CUX1: variants seen among roughly 807,000 people sequenced by gnomAD.
The protein encoded by CUX1 is protein CASP.
Under a neutral mutation model 158.8 loss-of-function variants are expected in CUX1, and 31 were observed. The ratio of observed to expected loss-of-function variants is 0.20; its 90% CI spans 0.15 to 0.26. CUX1 has a LOEUF of 0.26. Ranked by LOEUF, CUX1 falls within the 10% of genes least tolerant of loss-of-function variation. The pLI, the probability that CUX1 is intolerant of heterozygous loss-of-function variation, is 1.00. For synonymous variants in CUX1, 879 were observed against 862.1 expected, an observed-to-expected ratio of 1.02 and a Z score of -0.34; for missense variants, 1,589 against 2,014.6, an observed-to-expected ratio of 0.79 and a Z score of 4.04.
chr7:102,258,912 G>T (rs546487579), downstream of CUX1, among the ~76,000 whole-genome samples: 6 of 152,270 alleles, frequency 3.9e-5, no homozygotes, highest in South Asian at 6.2e-4. Context: ...GGCTGGAGGT[G>T]GGGGGAGAGC....
chr7:101,911,635 G>A (rs1386331539), intron 1 of CUX1, among the ~76,000 whole-genome samples: 9 of 149,430 alleles, frequency 6.0e-5, no homozygotes, highest in African/African-American at 9.9e-5. Context: ...ACCTTGGCCC[G>A]CCAGTGGATG....
intron 2 of CUX1, among the ~76,000 whole-genome samples, chr7:102,010,396 C>CAAAA (rs35965710): frequency 1.0e-4 from 9 of 90,232 alleles, no homozygotes; most frequent in Admixed American, 1.2e-4. Flanking sequence ...GACTCTGTCT[C>CAAAA]AAAAAAAAAA....
intron 1 of CUX1, among the ~76,000 whole-genome samples, chr7:101,825,587 G>A (rs190113678): frequency 3.3e-5 from 5 of 152,284 alleles, no homozygotes; most frequent in East Asian, 1.9e-4. Flanking sequence ...TTGTCATCCC[G>A]CAGTTTGTCA....
At chr7:102,210,949 T>C (rs1796448157) in intron 20 of CUX1, among the ~76,000 whole-genome samples, 2 of 152,214 alleles carry the variant, frequency 1.3e-5, no homozygotes, top group South Asian at 4.1e-4. Flanking sequence ...TCTTAGCTGG[T>C]TCCCACCAGA....
intron 2 of CUX1, among the ~76,000 whole-genome samples, chr7:101,958,711 C>T (rs867918331): frequency 2.2e-4 from 34 of 151,762 alleles, no homozygotes; most frequent in African/African-American, 7.7e-4. Flanking sequence ...AACTCCTGGG[C>T]TTAAGCAGTC....
In CUX1 at chr7:102,253,124, G is replaced by T; in HGVS notation, c.*4082G>T. The T allele has an allele frequency of 1.0e-6, 1 of 985,444 alleles. No individual in the cohort carries two copies. The highest frequency in any genetic ancestry group is 1.2e-6 in the Non-Finnish European group (1 of 829,974). 61.0% of individuals were successfully genotyped at this position (985,444 alleles called of 1,614,324 possible). A position where few individuals can be genotyped will look rare whatever the true frequency, so the allele number is the denominator to read the frequency against. On this transcript the variant is annotated 3_prime_UTR_variant, in exon 24 of 24. Coordinates refer to ENST00000292535, the MANE Select transcript of CUX1 (RefSeq NM_181552.4). The stretch of plus-strand genomic sequence containing the variant: ...CTCCCTGCTCAGTTTCCTTCCTGTC[G>T]CCATCTTTGTTTTCTTCCCATTGAA...
chr7:101,864,449 A>G (rs922586545), intron 1 of CUX1, among the ~76,000 whole-genome samples: 3 of 152,116 alleles, frequency 2.0e-5, no homozygotes, highest in Non-Finnish European at 4.4e-5. Context: ...GGGGTGAGCC[A>G]CCATGCCTAG....
chr7:102,030,691 G>GTTTTTTTTTTTTTT lies in CUX1; in HGVS notation c.189+2558_189+2559insTTTTTTTTTTTTTT, dbSNP rs71119801. 2.8e-4 allele frequency among the ~76,000 whole-genome samples: 33 copies of GTTTTTTTTTTTTTT among 119,394 alleles called. 4 individuals carry two copies. Among genetic ancestry groups the GTTTTTTTTTTTTTT allele is most frequent in the South Asian group, 8.5e-4 (3 of 3,526 alleles). 78.3% of individuals were successfully genotyped at this position (119,394 alleles called of 152,430 possible). On this transcript the variant is annotated intron_variant, in intron 3 of 23. Transcript: ENST00000292535. ...TATCTAATTTTCTATTTTAAAAAGT[G>GTTTTTTTTTTTTTT]TTTTTTTTTTTTGAGACAGGGTCTC...
chr7:102,030,691 G>GTTTTTTTTTTTTTGTTTTTTGT, intron 3 of CUX1, among the ~76,000 whole-genome samples: 1 of 119,386 alleles, frequency 8.4e-6, no homozygotes, highest in African/African-American at 3.1e-5. Context: ...TTTAAAAAGT[G>GTTTTTTTTTTTTTGTTTTTTGT]TTTTTTTTTT....
intron 1 of CUX1, among the ~76,000 whole-genome samples, chr7:101,882,940 A>G (rs770516272): frequency 5.9e-5 from 9 of 151,980 alleles, no homozygotes; most frequent in Non-Finnish European, 1.2e-4. Context: ...TCGGGCCTCT[A>G]AGGCCCTGCT....
At chr7:102,045,069 CA>C (rs1822576774) in intron 3 of CUX1, among the ~76,000 whole-genome samples, 1 of 152,148 alleles carries the variant, frequency 6.6e-6, no homozygotes, top group Non-Finnish European at 1.5e-5. Flanking sequence ...TATCTTATGG[CA>C]AAACCCGCAA....
intron 1 of CUX1, among the ~76,000 whole-genome samples, chr7:101,818,029 C>T (rs1392752761): frequency 6.6e-6 from 1 of 152,172 alleles, no homozygotes; most frequent in Non-Finnish European, 1.5e-5. Context: ...TCTGCTCTTG[C>T]CTACTAAGAA....
rs1315339193 is a variant in CUX1 at position 102,200,118 on chromosome 7, G to A, written c.2008G>A (p.Ala670Thr). The A allele has an allele frequency of 1.2e-6, 2 of 1,613,560 alleles. No homozygotes were observed. The highest frequency in any genetic ancestry group is 1.7e-5 in the Admixed American group (1 of 59,920). The change falls in exon 17 of 24, where the codon GCC (alanine) becomes ACC (threonine). Residue 670 changes from alanine to threonine, a missense_variant. Transcript: ENST00000292535. ...AGCCTCGGAGACTGGCTCTGATGAA[G>A]CCATCAAGTCCATCCTAGAGCAAGC... ...IRASETGSDEAIKSILEQAKR... is the reference protein window; with the variant it reads ...IRASETGSDETIKSILEQAKR...
At chr7:102,229,522 G>A (rs191186068) in intron 21 of CUX1, among the ~76,000 whole-genome samples, 24 of 151,636 alleles carry the variant, frequency 1.6e-4, no homozygotes, top group Admixed American at 7.9e-4. Flanking sequence ...ACGTTGGCCA[G>A]GATGGTCTCG....
At chr7:101,896,295 G>A (rs1801510162) in intron 1 of CUX1, among the ~76,000 whole-genome samples, 1 of 152,140 alleles carries the variant, frequency 6.6e-6, no homozygotes, top group African/African-American at 2.4e-5. Context: ...GCAGCAGGTA[G>A]GCCAGGAAGC....
At position 102,082,276 on chromosome 7, in the gene CUX1, A is replaced by T. The variant is rs1351277245; in HGVS notation, c.268+11859A>T. 1.2e-4 allele frequency among the ~76,000 whole-genome samples: 18 copies of T among 146,784 alleles called. 2 individuals are homozygous for T. The Admixed American group carries it at 1.2e-3, about 10-fold the overall frequency. ...CACGGTGGCTCACGCCTGTAATCCCACCACTTTGGGAGGCTGAGGGCAGGC... is the reference window on the plus strand; with the variant it reads ...CACGGTGGCTCACGCCTGTAATCCCTCCACTTTGGGAGGCTGAGGGCAGGC... On this transcript the variant is annotated intron_variant, in intron 4 of 23. Coordinates refer to ENST00000292535, the MANE Select transcript of CUX1 (RefSeq NM_181552.4).
rs538913346 is a variant in CUX1 at position 102,256,139 on chromosome 7, G to A, written c.*7097G>A. The A allele has an allele frequency of 2.2e-4, 214 of 985,400 alleles. No homozygotes were observed. In the South Asian group the frequency reaches 3.4e-3, roughly 16 times the overall value. The allele number at this position is 985,400 out of a possible 1,614,324, so 61.0% of individuals were successfully genotyped here. A position where few individuals can be genotyped will look rare whatever the true frequency, so the allele number is the denominator to read the frequency against. ...GGGCCCGCGGGCTCTGGCCGGAGCCGCTGGCCTGACGAGGCAGGATAGGGA... is the reference window on the plus strand; with the variant it reads ...GGGCCCGCGGGCTCTGGCCGGAGCCACTGGCCTGACGAGGCAGGATAGGGA... On this transcript the variant is annotated 3_prime_UTR_variant, in exon 24 of 24. Transcript: ENST00000292535.
intron 1 of CUX1, among the ~76,000 whole-genome samples, chr7:101,904,614 G>T (rs1209430755): frequency 2.0e-5 from 3 of 150,438 alleles, no homozygotes; most frequent in Non-Finnish European, 4.4e-5. Flanking sequence ...TGTTGCCCAG[G>T]CTGGAGTGTA....
intron 23 of CUX1, among the ~76,000 whole-genome samples, chr7:102,246,777 C>T (rs1183260124): frequency 3.3e-5 from 5 of 152,182 alleles, no homozygotes; most frequent in Non-Finnish European, 7.4e-5. Context: ...ACCATGTTGG[C>T]CGGGCTGGTC....
Sources: allele counts gnomAD v4.1 joint callset (sites outside exome capture counted in the v4.1 genomes callset), GRCh38; gene constraint gnomAD v4.1.1; transcripts MANE v1.5; gene names NCBI Gene and HGNC (gene_info 2026-07-23, HGNC 2026-07-21).